SGK1: variants seen among roughly 807,000 people sequenced by gnomAD.
The protein encoded by SGK1 is serum/glucocorticoid regulated kinase 1, also known as serine/threonine-protein kinase Sgk1.
Under a neutral mutation model 64.2 loss-of-function variants are expected in SGK1, and 26 were observed. The observed-to-expected ratio is 0.40, with a 90% confidence interval of 0.30 to 0.56. The LOEUF (loss-of-function observed/expected upper bound fraction) is 0.56, where lower values mean the gene tolerates loss of function less well. SGK1 is among the 20% of genes least tolerant of loss of function. The pLI, the probability that SGK1 is intolerant of heterozygous loss-of-function variation, is 0.38. For missense variants in SGK1, 519 were observed against 645.6 expected (o/e 0.80, Z 2.12); for synonymous variants, 265 against 239.7 (o/e 1.11, Z -0.98).
chr6:134,273,989 T>C (rs1467269605), intron 1 of SGK1, among the ~76,000 whole-genome samples: 1 of 151,894 alleles, frequency 6.6e-6, no homozygotes, highest in Non-Finnish European at 1.5e-5. Context: ...GAGAGTAGGA[T>C]GGTCAAATGT....
At chr6:134,258,917 G>T (rs1382339897) in intron 2 of SGK1, among the ~76,000 whole-genome samples, 1 of 152,166 alleles carries the variant, frequency 6.6e-6, no homozygotes, top group African/African-American at 2.4e-5. Flanking sequence ...GAGCCCTGGA[G>T]GTCGAGGCTG....
intron 3 of SGK1, among the ~76,000 whole-genome samples, chr6:134,205,138 C>T (rs868330953): frequency 6.6e-6 from 1 of 152,278 alleles, no homozygotes; most frequent in Middle Eastern, 3.4e-3. Context: ...ATTTCCCTCC[C>T]TTTCCATTTT....
rs548134289 is a variant in SGK1, at chr6:134,300,925, C to T, written c.69+16467G>A. On this transcript the variant is annotated intron_variant, in intron 1 of 13. Transcript: ENST00000367858. Reference sequence around the variant, plus strand: ...GTAGGATTACAGGCGTGAGCCACCGCGCCTGGCCAAGAAATGTATTTTGGA... The same window carrying T: ...GTAGGATTACAGGCGTGAGCCACCGTGCCTGGCCAAGAAATGTATTTTGGA... Among the ~76,000 whole-genome samples the T allele has an allele frequency of 3.3e-4, 50 of 152,114 alleles. No homozygotes were observed. In the Middle Eastern group the frequency reaches 0.014, roughly 41 times the overall value.
At chr6:134,301,250 TGGA>T (rs1777448904) in intron 1 of SGK1, among the ~76,000 whole-genome samples, 1 of 152,104 alleles carries the variant, frequency 6.6e-6, no homozygotes, top group Non-Finnish European at 1.5e-5. Context: ...AACCTGTGTG[TGGA>T]GGAGGAGGGA....
intron 3 of SGK1, among the ~76,000 whole-genome samples, chr6:134,190,741 C>T (rs182996782): frequency 4.6e-4 from 70 of 152,256 alleles, no homozygotes; most frequent in South Asian, 4.1e-3. Flanking sequence ...CCTTTTCTAT[C>T]TCTTCTTAAA....
intron 1 of SGK1, among the ~76,000 whole-genome samples, chr6:134,315,368 T>G (rs1269768313): frequency 1.3e-5 from 2 of 152,200 alleles, no homozygotes; most frequent in Non-Finnish European, 2.9e-5. Flanking sequence ...AGAAGTTAGA[T>G]GAAGCTGCCT....
At chr6:134,249,397 T>A (rs1243788417) in intron 2 of SGK1, 1 of 152,242 alleles carries the variant, frequency 6.6e-6, no homozygotes, top group Admixed American at 6.5e-5. Context: ...ATTCCAGGCC[T>A]CCAGGCCTTT....
intron 2 of SGK1, among the ~76,000 whole-genome samples, chr6:134,228,949 T>C (rs573578632): frequency 2.6e-4 from 39 of 150,474 alleles, no homozygotes; most frequent in African/African-American, 9.5e-4. Context: ...GTTCACGCCA[T>C]TCTCCTGCCT....
chr6:134,299,535 A>T (rs6569937), intron 1 of SGK1, among the ~76,000 whole-genome samples: 1 of 151,898 alleles, frequency 6.6e-6, no homozygotes, highest in Non-Finnish European at 1.5e-5. Context: ...TTATGCCAAG[A>T]AGTGAAGGGA....
At chr6:134,247,521 G>A (rs890075579) in intron 2 of SGK1, among the ~76,000 whole-genome samples, 2 of 152,212 alleles carry the variant, frequency 1.3e-5, no homozygotes, top group African/African-American at 4.8e-5. Flanking sequence ...TAAGTGCACA[G>A]TATATGTCAC....
chr6:134,188,255 A>G (rs1172358337), intron 3 of SGK1, among the ~76,000 whole-genome samples: 1 of 152,036 alleles, frequency 6.6e-6, no homozygotes, highest in Non-Finnish European at 1.5e-5. Context: ...GTCTATTCAC[A>G]GATCACTTCC....
In SGK1 at chr6:134,173,569, AG is replaced by A; in HGVS notation, c.514-4del. 2 of 1,555,982 alleles carry A rather than the reference AG, an allele frequency of 1.3e-6. No homozygotes were observed. The highest frequency in any genetic ancestry group is 2.0e-5 in the Admixed American group (1 of 51,022). Reference sequence around the variant, plus strand: ...TTGATTTGCTGAGAAGGACTTGGCTAGAAAAAAAAAAAAAGAATTTCTTTTA... The same window carrying A: ...TTGATTTGCTGAGAAGGACTTGGCTAAAAAAAAAAAAAAGAATTTCTTTTA... On this transcript the variant is annotated splice_region_variant and splice_polypyrimidine_tract_variant and intron_variant, in intron 5 of 13. Transcript: ENST00000367858.
At chr6:134,217,717 T>G (rs1251921733) in intron 2 of SGK1, among the ~76,000 whole-genome samples, 2 of 152,184 alleles carry the variant, frequency 1.3e-5, no homozygotes, top group East Asian at 3.8e-4. Flanking sequence ...AGTCTTATCA[T>G]CTTGATCTCT....
At chr6:134,207,216 A>G in intron 3 of SGK1, 140 bp downstream of exon 3, 1 of 613,436 alleles carries the variant, frequency 1.6e-6, no homozygotes, top group Non-Finnish European at 2.9e-6. Context: ...ACAGAGCAAG[A>G]CTCTGTCTCA....
chr6:134,307,347 C>CCATTTAACTACCA (rs1777549110), intron 1 of SGK1, among the ~76,000 whole-genome samples: 1 of 152,160 alleles, frequency 6.6e-6, no homozygotes, highest in African/African-American at 2.4e-5. Context: ...GTTGTTTCTA[C>CCATTTAACTACCA]GTAACATTTA....
At chr6:134,261,873 A>G (rs1029065187) in intron 2 of SGK1, 60 bp downstream of exon 2, 1 of 1,258,978 alleles carries the variant, frequency 7.9e-7, no homozygotes. Context: ...CAGAAATACA[A>G]GAAAAACAAA....
chr6:134,297,982 T>A, intron 1 of SGK1: 1 of 821,110 alleles, frequency 1.2e-6, no homozygotes, highest in Non-Finnish European at 2.2e-6. Context: ...CTGTTGTCCA[T>A]GGACAGCATC....
chr6:134,240,616 C>T (rs1776430438), intron 2 of SGK1, among the ~76,000 whole-genome samples: 1 of 152,122 alleles, frequency 6.6e-6, no homozygotes, highest in African/African-American at 2.4e-5. Context: ...TGAGATAATG[C>T]ATGTCAAGTG....
At chr6:134,211,895 A>T (rs1775895709) in intron 2 of SGK1, among the ~76,000 whole-genome samples, 1 of 151,132 alleles carries the variant, frequency 6.6e-6, no homozygotes, top group African/African-American at 2.4e-5. Flanking sequence ...AAAAAAAAAA[A>T]AAAAATCCCT....
Sources: allele counts gnomAD v4.1 joint callset (sites outside exome capture counted in the v4.1 genomes callset), GRCh38; gene constraint gnomAD v4.1.1; transcripts MANE v1.5; gene names NCBI Gene and HGNC (gene_info 2026-07-23, HGNC 2026-07-21).